EFR3A: variants seen among roughly 807,000 people sequenced by gnomAD.
EFR3A encodes protein EFR3 homolog A.
In EFR3A, 76 loss-of-function variants were observed where a neutral mutation model predicts 104.4. The ratio of observed to expected loss-of-function variants is 0.73; its 90% CI spans 0.60 to 0.88. The LOEUF (loss-of-function observed/expected upper bound fraction) is 0.88, where lower values mean the gene tolerates loss of function less well. Among genes scored for constraint, EFR3A ranks in the 40% least tolerant of loss-of-function variants. EFR3A has a pLI of 0.00. For missense variants in EFR3A, 985 were observed against 1,012.5 expected (o/e 0.97, Z 0.37); for synonymous variants, 330 against 330.0 (o/e 1.00, Z 0.00).
At chr8:131,950,453 A>G (rs539109118) in intron 5 of EFR3A, among the ~76,000 whole-genome samples, 1 of 152,246 alleles carries the variant, frequency 6.6e-6, no homozygotes, top group Admixed American at 6.5e-5. Context: ...GTCTTTGTGC[A>G]CAGAACAATT....
At chr8:131,949,242 TATTA>T (rs1199898530) in intron 4 of EFR3A, among the ~76,000 whole-genome samples, 4 of 152,170 alleles carry the variant, frequency 2.6e-5, no homozygotes, top group African/African-American at 4.8e-5. Flanking sequence ...ATTTTACATA[TATTA>T]ATTATGTCAT....
intron 1 of EFR3A, among the ~76,000 whole-genome samples, chr8:131,909,275 G>A (rs1816396211): frequency 6.6e-6 from 1 of 152,168 alleles, no homozygotes; most frequent in Non-Finnish European, 1.5e-5. Flanking sequence ...ATTTGGCCAG[G>A]TGCAGTGGCT....
At chr8:131,935,495 G>A in intron 1 of EFR3A, 1 of 448,130 alleles carries the variant, frequency 2.2e-6, no homozygotes, top group Non-Finnish European at 4.5e-6. Flanking sequence ...CGTAGGCACT[G>A]TCATTTAAAA....
chr8:132,008,170 A>G (rs1399471071), intron 22 of EFR3A, among the ~76,000 whole-genome samples: 1 of 152,092 alleles, frequency 6.6e-6, no homozygotes, highest in Non-Finnish European at 1.5e-5. Context: ...CAGAAAATAC[A>G]GTATACACAA....
At position 131,986,279 on chromosome 8, in the gene EFR3A, A is replaced by T; in HGVS notation, c.1937+18A>T. 7.3e-7 allele frequency: 1 copy of T among 1,365,976 alleles called. No individual in the cohort carries two copies. The highest frequency in any genetic ancestry group is 1.0e-6 in the Non-Finnish European group (1 of 966,530). The allele number at this position is 1,365,976 out of a possible 1,614,324, so 84.6% of individuals were successfully genotyped here. ...AAGTGCATGTATGTTAATTCTTTAC[A>T]TTTTAAGGATGGGGTACTGACTTGA... On this transcript the variant is annotated intron_variant, in intron 17 of 22. Coordinates refer to ENST00000254624, the MANE Select transcript of EFR3A (RefSeq NM_015137.6).
chr8:132,003,972 CAT>C (rs1451743063), intron 22 of EFR3A, among the ~76,000 whole-genome samples: 1 of 152,134 alleles, frequency 6.6e-6, no homozygotes, highest in Non-Finnish European at 1.5e-5. Context: ...CTATATCTGG[CAT>C]ATCTTTCATA....
rs551189565 is a variant in EFR3A at position 132,011,248 on chromosome 8, T to C, written c.*353T>C. ...CTTCAGAGGATTGAAACTGTATAAA[T>C]TGTTTATCTCTTAAACATCTACACA... On this transcript the variant is annotated 3_prime_UTR_variant, in exon 23 of 23. Coordinates refer to ENST00000254624, the MANE Select transcript of EFR3A (RefSeq NM_015137.6). 3 of 994,928 alleles carry C rather than the reference T, an allele frequency of 3.0e-6. No homozygotes were observed. The highest frequency in any genetic ancestry group is 3.5e-5 in the African/African-American group (2 of 57,628). 61.6% of individuals were successfully genotyped at this position (994,928 alleles called of 1,614,324 possible). A position where few individuals can be genotyped will look rare whatever the true frequency, so the allele number is the denominator to read the frequency against.
In EFR3A at chr8:131,968,432, T is replaced by C; in HGVS notation, c.991+2T>C. ...CCATTGCTGCTAAAGGTTCCATAGGTGAGTGCCAATAAATAAAATAAAATA... is the reference window on the plus strand; with the variant it reads ...CCATTGCTGCTAAAGGTTCCATAGGCGAGTGCCAATAAATAAAATAAAATA... On this transcript the variant is annotated splice_donor_variant, in intron 9 of 22. Coordinates refer to ENST00000254624, the MANE Select transcript of EFR3A (RefSeq NM_015137.6). LOFTEE classifies it high-confidence loss of function. 1 of 1,613,194 alleles carries C rather than the reference T, an allele frequency of 6.2e-7. No individual in the cohort carries two copies. The highest frequency in any genetic ancestry group is 1.1e-5 in the South Asian group (1 of 91,024).
intron 14 of EFR3A, among the ~76,000 whole-genome samples, chr8:131,981,639 G>A (rs1820618820): frequency 6.6e-6 from 1 of 152,104 alleles, no homozygotes. Flanking sequence ...ATTGGGTTCT[G>A]TAGGCACAGG....
At chr8:132,003,160 C>G (rs762916229) in intron 21 of EFR3A, 76 bp from the exon 22 acceptor site, 4 of 1,170,512 alleles carry the variant, frequency 3.4e-6, no homozygotes, top group Non-Finnish European at 3.7e-6. Context: ...TACTTTGTCT[C>G]TTAAGTTACA....
intron 10 of EFR3A, 79 bp downstream of exon 10, chr8:131,970,722 T>C (rs553837325): frequency 3.0e-6 from 4 of 1,335,780 alleles, no homozygotes; most frequent in East Asian, 2.4e-5. Flanking sequence ...TGGACTATTA[T>C]AGTACATTTG....
Position 131,969,420 on chromosome 8 carries a change from C to T in EFR3A, c.991+990C>T, listed in dbSNP as rs1224022770. Among the ~76,000 whole-genome samples, 9 of 152,024 alleles carry T rather than the reference C, an allele frequency of 5.9e-5. No homozygotes were observed. The East Asian group carries it at 1.7e-3, about 29-fold the overall frequency. Reference sequence around the variant, plus strand: ...GTTTTTGCATATAACCTTTGCACACCCTCCAATATACTTCACATCATCTTT... The same window carrying T: ...GTTTTTGCATATAACCTTTGCACACTCTCCAATATACTTCACATCATCTTT... On this transcript the variant is annotated intron_variant, in intron 9 of 22. Coordinates refer to ENST00000254624, the MANE Select transcript of EFR3A (RefSeq NM_015137.6).
At chr8:131,995,982 G>C (rs946325901) in intron 18 of EFR3A, among the ~76,000 whole-genome samples, 7 of 152,296 alleles carry the variant, frequency 4.6e-5, no homozygotes, top group African/African-American at 1.7e-4. Flanking sequence ...ACCAGAGTTA[G>C]CTGACAGCTT....
chr8:131,929,984 T>G (rs1444724121), intron 1 of EFR3A, among the ~76,000 whole-genome samples: 3 of 152,118 alleles, frequency 2.0e-5, no homozygotes, highest in Non-Finnish European at 4.4e-5. Flanking sequence ...ACACCCCAAG[T>G]TAGCAGAGCA....
At position 131,966,899 on chromosome 8, in the gene EFR3A, C is replaced by G. The variant is rs549497105; in HGVS notation, c.856-1396C>G. Among the ~76,000 whole-genome samples, 5 of 152,248 alleles carry G rather than the reference C, an allele frequency of 3.3e-5. No homozygotes were observed. In the East Asian group the frequency reaches 9.7e-4, roughly 29 times the overall value. ...ACTTTCCTTCCTTTCACTCCATATT[C>G]TTTTGTTTAATACATGATATCATTC... On this transcript the variant is annotated intron_variant, in intron 8 of 22. Transcript: ENST00000254624.
chr8:131,907,426 C>T (rs955194216), intron 1 of EFR3A, among the ~76,000 whole-genome samples: 15 of 152,118 alleles, frequency 9.9e-5, no homozygotes, highest in African/African-American at 3.4e-4. Context: ...CTAGGGAAAA[C>T]CAAAACTCTC....
At chr8:131,960,710 G>A (rs1467532513) in intron 8 of EFR3A, among the ~76,000 whole-genome samples, 1 of 152,098 alleles carries the variant, frequency 6.6e-6, no homozygotes, top group Admixed American at 6.5e-5. Flanking sequence ...ATCCTTAAGG[G>A]TTTACATAGT....
Position 131,904,243 on chromosome 8 carries a change from T to G in EFR3A, c.-70T>G. 1 of 1,277,890 alleles carries G rather than the reference T, an allele frequency of 7.8e-7. No homozygotes were observed. Among genetic ancestry groups the G allele is most frequent in the South Asian group, 2.5e-5 (1 of 39,814 alleles). 79.2% of individuals were successfully genotyped at this position (1,277,890 alleles called of 1,614,324 possible). A position where few individuals can be genotyped will look rare whatever the true frequency, so the allele number is the denominator to read the frequency against. ...CTCCGCGGCCCAGCAACGGCCGTCA[T>G]GGTGCCGTCGGCGCTCCCTGCGCGG... On this transcript the variant is annotated 5_prime_UTR_variant, in exon 1 of 23. The change abolishes an upstream ATG in the 5' untranslated region. Transcript: ENST00000254624.
chr8:131,964,725 C>T (rs1250177492), intron 8 of EFR3A, among the ~76,000 whole-genome samples: 1 of 151,914 alleles, frequency 6.6e-6, no homozygotes, highest in East Asian at 1.9e-4. Context: ...AACTAAAGTT[C>T]ATATGGAACC....
Sources: allele counts gnomAD v4.1 joint callset (sites outside exome capture counted in the v4.1 genomes callset), GRCh38; gene constraint gnomAD v4.1.1; transcripts MANE v1.5; gene names NCBI Gene and HGNC (gene_info 2026-07-23, HGNC 2026-07-21).